Variants in PTPRD observed in about 807,000 individuals in gnomAD.
PTPRD encodes the protein receptor-type tyrosine-protein phosphatase delta.
Under a neutral mutation model 214.5 loss-of-function variants are expected in PTPRD, and 34 were observed. The ratio of observed to expected loss-of-function variants is 0.16; its 90% CI spans 0.12 to 0.21. PTPRD has a LOEUF of 0.21. PTPRD is among the 10% of genes least tolerant of loss of function. The probability of loss-of-function intolerance (pLI) is 1.00; values close to 1 mark genes in which losing one functional copy is unlikely to be tolerated. For missense variants in PTPRD, 2,545 were observed against 2,398.7 expected (o/e 1.06, Z -1.27); for synonymous variants, 1,128 against 845.7 (o/e 1.33, Z -5.79).
At chr9:9,378,566 T>C (rs1197627339) in intron 9 of PTPRD, among the ~76,000 whole-genome samples, 1 of 152,162 alleles carries the variant, frequency 6.6e-6, no homozygotes, top group Admixed American at 6.6e-5. Context: ...GGTAAGAGTA[T>C]GTGTAGTTTT....
intron 4 of PTPRD, among the ~76,000 whole-genome samples, chr9:10,010,708 A>C (rs2096580003): frequency 6.6e-6 from 1 of 151,980 alleles, no homozygotes; most frequent in Admixed American, 6.6e-5. Flanking sequence ...TTGAGAAATC[A>C]ATGGAATAAA....
intron 8 of PTPRD, among the ~76,000 whole-genome samples, chr9:9,503,474 G>A (rs546479991): frequency 5.3e-5 from 8 of 151,588 alleles, no homozygotes; most frequent in African/African-American, 1.9e-4. Context: ...GGGCGCTCAA[G>A]TATCTGGGCT....
chr9:10,091,473 A>G (rs973024538), intron 3 of PTPRD, among the ~76,000 whole-genome samples: 2 of 151,588 alleles, frequency 1.3e-5, no homozygotes, highest in African/African-American at 4.8e-5. Context: ...ATATAAAAAT[A>G]TACATTTCAA....
chr9:9,170,873 G>A (rs2099913138), intron 10 of PTPRD, among the ~76,000 whole-genome samples: 1 of 152,112 alleles, frequency 6.6e-6, no homozygotes, highest in South Asian at 2.1e-4. Flanking sequence ...GAAGCAAGAT[G>A]GTCCAGAATG....
intron 11 of PTPRD, among the ~76,000 whole-genome samples, chr9:8,816,870 A>C (rs539563156): frequency 3.5e-4 from 54 of 152,212 alleles, no homozygotes; most frequent in Non-Finnish European, 6.9e-4. Flanking sequence ...CTCACCTTCT[A>C]AGGAATACAA....
chr9:9,116,286 C>T (rs1225155011), intron 10 of PTPRD, among the ~76,000 whole-genome samples: 1 of 152,002 alleles, frequency 6.6e-6, no homozygotes, highest in Non-Finnish European at 1.5e-5. Context: ...ACTATTCAGC[C>T]ATAAATACAG....
chr9:9,101,300 T>C (rs1209518241), intron 10 of PTPRD, among the ~76,000 whole-genome samples: 1 of 152,120 alleles, frequency 6.6e-6, no homozygotes. Flanking sequence ...ATTTGGGATA[T>C]TAGGTAGATA....
At position 10,375,597 on chromosome 9, in the gene PTPRD, A is replaced by C. The variant is rs375485243; in HGVS notation, c.-599-34580T>G. ...AGATTCCCTTGGAAATAACAAAAAG[A>C]ATAGTTCAGTAATTTAAAAACTGGC... On this transcript the variant is annotated intron_variant, in intron 2 of 45. Transcript: ENST00000381196. Among the ~76,000 whole-genome samples the C allele has an allele frequency of 8.5e-5, 13 of 152,168 alleles. 1 individual carries two copies. The highest frequency in any genetic ancestry group is 2.9e-4 in the African/African-American group (12 of 41,568).
At chr9:9,419,745 G>T (rs1415037586) in intron 8 of PTPRD, among the ~76,000 whole-genome samples, 1 of 151,598 alleles carries the variant, frequency 6.6e-6, no homozygotes, top group African/African-American at 2.4e-5. Flanking sequence ...TCATTATTGT[G>T]TTCATTAACA....
At chr9:8,744,453 A>T (rs1465196084) in intron 11 of PTPRD, among the ~76,000 whole-genome samples, 1 of 152,256 alleles carries the variant, frequency 6.6e-6, no homozygotes, top group Non-Finnish European at 1.5e-5. Flanking sequence ...TATACCACGG[A>T]ATATGACTAA....
At chr9:8,635,621 T>G (rs535251912) in intron 13 of PTPRD, among the ~76,000 whole-genome samples, 1 of 152,122 alleles carries the variant, frequency 6.6e-6, no homozygotes, top group Admixed American at 6.6e-5. Context: ...ATAAGTAAAA[T>G]AAAATTGTTC....
chr9:9,014,175 T>C lies in PTPRD; in HGVS notation c.-104+4522A>G, dbSNP rs980807322. On this transcript the variant is annotated intron_variant, in intron 11 of 45. Transcript: ENST00000381196. ...TAACTGTTTGGTCCATGCTATTACC[T>C]CGTTTTTTTTTGTTTGTTTGTTTGT... is the stretch of plus-strand genomic sequence containing the variant. Among the ~76,000 whole-genome samples, 23 of 130,764 alleles carry C rather than the reference T, an allele frequency of 1.8e-4. 1 individual carries two copies. Among genetic ancestry groups the C allele is most frequent in the Admixed American group, 1.7e-3 (23 of 13,430 alleles). 85.8% of individuals were successfully genotyped at this position (130,764 alleles called of 152,430 possible).
At chr9:10,463,582 T>G (rs2098973454) in intron 2 of PTPRD, among the ~76,000 whole-genome samples, 1 of 152,146 alleles carries the variant, frequency 6.6e-6, no homozygotes, top group Non-Finnish European at 1.5e-5. Flanking sequence ...TCAGTACAAT[T>G]GTTAAGGAAA....
At chr9:10,309,809 T>C (rs1207950960) in intron 3 of PTPRD, among the ~76,000 whole-genome samples, 1 of 151,254 alleles carries the variant, frequency 6.6e-6, no homozygotes, top group East Asian at 1.9e-4. Flanking sequence ...ATTAGAACTA[T>C]TTTTAAACGA....
At chr9:8,855,054 T>C (rs1320854093) in intron 11 of PTPRD, among the ~76,000 whole-genome samples, 1 of 152,048 alleles carries the variant, frequency 6.6e-6, no homozygotes, top group Non-Finnish European at 1.5e-5. Context: ...TCAATCATTG[T>C]CTATAACTAG....
intron 44 of PTPRD, among the ~76,000 whole-genome samples, chr9:8,328,343 G>GC (rs1478710497): frequency 6.6e-6 from 1 of 151,916 alleles, no homozygotes; most frequent in Non-Finnish European, 1.5e-5. Flanking sequence ...TTGAATATTG[G>GC]CCCCACTGTC....
intron 10 of PTPRD, among the ~76,000 whole-genome samples, chr9:9,168,093 C>T (rs1428571314): frequency 6.6e-6 from 1 of 152,126 alleles, no homozygotes; most frequent in Non-Finnish European, 1.5e-5. Context: ...TGCCTCTTTT[C>T]TAAATAAAGT....
intron 39 of PTPRD, among the ~76,000 whole-genome samples, chr9:8,357,949 C>G (rs2077392785): frequency 6.6e-6 from 1 of 152,156 alleles, no homozygotes; most frequent in Non-Finnish European, 1.5e-5. Flanking sequence ...CCCTAAGTAA[C>G]AAAGGAAACC....
In PTPRD at chr9:10,363,991, G is replaced by GTTTTTTTGTTGCTTT. The variant is rs1485501417; in HGVS notation, c.-599-22975_-599-22974insAAAGCAACAAAAAAA. 5.7e-5 allele frequency among the ~76,000 whole-genome samples: 2 copies of GTTTTTTTGTTGCTTT among 35,132 alleles called. 1 individual carries two copies. 23.0% of individuals were successfully genotyped at this position (35,132 alleles called of 152,430 possible). On this transcript the variant is annotated intron_variant, in intron 2 of 45. Transcript: ENST00000381196. ...ATTATTATTGCCTCCACATTTTCGGGTTTTTTTTTTTTTTTTTTTTTTTTT... is the reference window on the plus strand; with the variant it reads ...ATTATTATTGCCTCCACATTTTCGGGTTTTTTTGTTGCTTTTTTTTTTTTTTTTTTTTTTTTTTTT...
Sources: allele counts gnomAD v4.1 joint callset (sites outside exome capture counted in the v4.1 genomes callset), GRCh38; gene constraint gnomAD v4.1.1; transcripts MANE v1.5; gene names NCBI Gene and HGNC (gene_info 2026-07-23, HGNC 2026-07-21).